The following DNMBP variants were observed in gnomAD, a reference collection of about 807,000 sequenced individuals.
DNMBP encodes dynamin-binding protein.
Under a neutral mutation model 150.0 loss-of-function variants are expected in DNMBP, and 87 were observed. The ratio of observed to expected loss-of-function variants is 0.58; its 90% CI spans 0.49 to 0.69. The LOEUF (loss-of-function observed/expected upper bound fraction) is 0.69. Ranked by LOEUF, DNMBP falls within the 30% of genes least tolerant of loss-of-function variation. DNMBP has a pLI of 0.00. For missense variants in DNMBP, 1,774 were observed against 1,949.0 expected, an observed-to-expected ratio of 0.91 and a Z score of 1.69; for synonymous variants, 711 against 750.4, an observed-to-expected ratio of 0.95 and a Z score of 0.86.
At chr10:99,989,107 C>A (rs932644927) in intron 1 of DNMBP, among the ~76,000 whole-genome samples, 4 of 152,204 alleles carry the variant, frequency 2.6e-5, no homozygotes. Context: ...TATATCCTTA[C>A]AAGATGTGTA....
chr10:99,943,960 T>G lies in DNMBP; in HGVS notation c.2260+11254A>C, dbSNP rs144764426. 4.1e-4 allele frequency among the ~76,000 whole-genome samples: 62 copies of G among 152,324 alleles called. 1 individual carries two copies. Among genetic ancestry groups the G allele is most frequent in the African/African-American group, 9.9e-4 (41 of 41,568 alleles). On this transcript the variant is annotated intron_variant, in intron 4 of 16. Coordinates refer to ENST00000324109, the MANE Select transcript of DNMBP (RefSeq NM_015221.4). ...CCTGAAAAACATGTTCTGATTTAAT[T>G]TGCAACAGACATCACTGAAAATTAC...
intron 1 of DNMBP, among the ~76,000 whole-genome samples, chr10:100,005,842 A>T (rs2041065116): frequency 6.6e-6 from 1 of 152,136 alleles, no homozygotes; most frequent in South Asian, 2.1e-4. Context: ...CATACACATA[A>T]AACAAACATT....
chr10:100,008,361 T>C (rs773006251), intron 1 of DNMBP, among the ~76,000 whole-genome samples: 5 of 152,256 alleles, frequency 3.3e-5, no homozygotes, highest in Non-Finnish European at 5.9e-5. Context: ...AGACTGTTCT[T>C]GGCTTATTGC....
In DNMBP at chr10:100,009,833, C is replaced by T. The variant is rs1239328806; in HGVS notation, c.-11+5G>A. On this transcript the variant is annotated splice_donor_5th_base_variant and intron_variant, in intron 1 of 16. Transcript: ENST00000324109. The stretch of plus-strand genomic sequence containing the variant: ...GCCCGGCTCCGGCCTGGCCCGGCCT[C>T]TGACCTGCTTTCCGCCGCCCGGCGG... 1.3e-5 allele frequency: 2 copies of T among 148,580 alleles called. No homozygotes were observed. Among genetic ancestry groups the T allele is most frequent in the African/African-American group, 4.9e-5 (2 of 41,034 alleles). 9.2% of individuals were successfully genotyped at this position (148,580 alleles called of 1,614,324 possible). A position where few individuals can be genotyped will look rare whatever the true frequency, so the allele number is the denominator to read the frequency against.
In DNMBP at chr10:100,000,872, A is replaced by C. The variant is rs1169432593; in HGVS notation, c.-11+8966T>G. ...CACCTGTTATGGCAAAAAAAAAAAAAAAAAAAAAAAAAAAACCCAGCAGGG... is the reference window on the plus strand; with the variant it reads ...CACCTGTTATGGCAAAAAAAAAAAACAAAAAAAAAAAAAAACCCAGCAGGG... On this transcript the variant is annotated intron_variant, in intron 1 of 16. Coordinates refer to ENST00000324109, the MANE Select transcript of DNMBP (RefSeq NM_015221.4). Among the ~76,000 whole-genome samples the C allele has an allele frequency of 5.9e-4, 86 of 146,448 alleles. 2 individuals are homozygous for C. Among genetic ancestry groups the C allele is most frequent in the African/African-American group, 2.1e-3 (81 of 37,822 alleles).
intron 16 of DNMBP, among the ~76,000 whole-genome samples, chr10:99,877,900 T>C (rs1035099775): frequency 6.6e-6 from 1 of 151,900 alleles, no homozygotes; most frequent in African/African-American, 2.4e-5. Flanking sequence ...TGAGGGCAGA[T>C]CACTAGAGGT....
intron 4 of DNMBP, among the ~76,000 whole-genome samples, chr10:99,940,434 G>T (rs1328269492): frequency 2.0e-5 from 3 of 152,074 alleles, no homozygotes; most frequent in Non-Finnish European, 2.9e-5. Context: ...ATGGAGGAAG[G>T]GTCCCTGCTC....
chr10:99,974,735 G>A (rs939682863), intron 1 of DNMBP, among the ~76,000 whole-genome samples: 2 of 152,038 alleles, frequency 1.3e-5, no homozygotes, highest in South Asian at 4.1e-4. Context: ...AAAGCATGAA[G>A]TGCCTAATTA....
At chr10:99,930,718 T>C (rs781208350) in intron 4 of DNMBP, 6 of 689,700 alleles carry the variant, frequency 8.7e-6, no homozygotes, top group South Asian at 7.8e-5. Context: ...CAGTGCCTTT[T>C]CTCCTCCACT....
At chr10:99,938,258 T>C (rs2040255446) in intron 4 of DNMBP, among the ~76,000 whole-genome samples, 1 of 152,062 alleles carries the variant, frequency 6.6e-6, no homozygotes, top group Non-Finnish European at 1.5e-5. Context: ...AAAAAGAAAT[T>C]ATTGACCAGG....
At position 99,895,988 on chromosome 10, in the gene DNMBP, CTGCTAGCTTAGTA is replaced by C. The variant is rs1308148241; in HGVS notation, c.3051+266_3051+278del. ...TCCAACTAGGTGATCTCTTAAATTC[CTGCTAGCTTAGTA>C]AGTCTACAACTATAGTTTTGTCCCA... On this transcript the variant is annotated intron_variant, in intron 10 of 16. Coordinates refer to ENST00000324109, the MANE Select transcript of DNMBP (RefSeq NM_015221.4). Among the ~76,000 whole-genome samples the C allele has an allele frequency of 2.0e-5, 3 of 152,164 alleles. No homozygotes were observed. The East Asian group carries it at 5.8e-4, about 29-fold the overall frequency.
At chr10:99,886,178 A>G in intron 13 of DNMBP, 122 bp downstream of exon 13, 2 of 822,172 alleles carry the variant, frequency 2.4e-6, no homozygotes, top group South Asian at 3.6e-5. Flanking sequence ...TGAGGGATGA[A>G]CTAGCGACAC....
At chr10:99,899,183 T>C (rs2039702754) in intron 7 of DNMBP, among the ~76,000 whole-genome samples, 2 of 148,600 alleles carry the variant, frequency 1.3e-5, no homozygotes, top group Non-Finnish European at 2.9e-5. Flanking sequence ...AGTGAGACTC[T>C]GTCTCTCCAA....
At chr10:99,930,992 A>G (rs528980621) in intron 4 of DNMBP, 2 of 437,050 alleles carry the variant, frequency 4.6e-6, no homozygotes, top group South Asian at 1.4e-4. Context: ...AGGCCAGAAG[A>G]TAATGAGTAA....
intron 11 of DNMBP, among the ~76,000 whole-genome samples, chr10:99,891,215 G>A (rs1044318226): frequency 4.0e-5 from 4 of 100,544 alleles, no homozygotes; most frequent in East Asian, 3.0e-4. Flanking sequence ...CTCTTTCCAC[G>A]GTCTCCCTCT....
chr10:99,929,954 A>G (rs1192283736), intron 4 of DNMBP: 1 of 702,784 alleles, frequency 1.4e-6, no homozygotes, highest in East Asian at 2.7e-5. Context: ...TTGCAAATAA[A>G]GCATCATAGC....
chr10:99,970,583 A>G (rs1444866440), intron 2 of DNMBP, among the ~76,000 whole-genome samples: 1 of 152,142 alleles, frequency 6.6e-6, no homozygotes, highest in Admixed American at 6.6e-5. Flanking sequence ...AGATCAAGTG[A>G]AGAATGAAAG....
chr10:99,992,143 A>C (rs955131629), intron 1 of DNMBP, among the ~76,000 whole-genome samples: 3 of 151,296 alleles, frequency 2.0e-5, no homozygotes, highest in African/African-American at 4.9e-5. Context: ...GGGAGGCTAA[A>C]GTGGGAGGAC....
At chr10:99,986,478 C>T (rs992536238) in intron 1 of DNMBP, among the ~76,000 whole-genome samples, 5 of 151,328 alleles carry the variant, frequency 3.3e-5, no homozygotes, top group African/African-American at 1.2e-4. Context: ...TTACTTTAAG[C>T]TGAATTTTGA....
Sources: allele counts gnomAD v4.1 joint callset (sites outside exome capture counted in the v4.1 genomes callset), GRCh38; gene constraint gnomAD v4.1.1; transcripts MANE v1.5; gene names NCBI Gene and HGNC (gene_info 2026-07-23, HGNC 2026-07-21).